PAPPA2: variants seen among roughly 807,000 people sequenced by gnomAD.
The protein encoded by PAPPA2 is pappalysin 2.
In PAPPA2, 86 loss-of-function variants were observed where a neutral mutation model predicts 176.4. The ratio of observed to expected loss-of-function variants is 0.49; its 90% CI spans 0.41 to 0.58. The LOEUF is 0.58. Ranked by LOEUF, PAPPA2 falls within the 20% of genes least tolerant of loss-of-function variation. The pLI is 0.00. For missense variants in PAPPA2, 2,073 were observed against 2,256.9 expected (o/e 0.92, Z 1.65); for synonymous variants, 809 against 852.2 (o/e 0.95, Z 0.88).
intron 3 of PAPPA2, among the ~76,000 whole-genome samples, chr1:176,641,424 C>T (rs1445648884): frequency 2.6e-5 from 4 of 151,218 alleles, no homozygotes; most frequent in African/African-American, 9.7e-5. Context: ...CCAGTTTTCC[C>T]AGCACCATTT....
rs71565479 is a variant in PAPPA2, at chr1:176,708,530, T to TAGAGAGAGAGAGAG, written c.3458-1437_3458-1424dup. On this transcript the variant is annotated intron_variant, in intron 10 of 22. Coordinates refer to ENST00000367662, the MANE Select transcript of PAPPA2 (RefSeq NM_020318.3). ...AACAAAACAAAACTATACGTACATGTAGAGAGAGAGAGAGAGAGAGAGAGA... is the reference window on the plus strand; with the variant it reads ...AACAAAACAAAACTATACGTACATGTAGAGAGAGAGAGAGAGAGAGAGAGAGAGAGAGAGAGAGA... 1.9e-3 allele frequency among the ~76,000 whole-genome samples: 276 copies of TAGAGAGAGAGAGAG among 145,584 alleles called. No homozygotes were observed. The Middle Eastern group carries it at 0.032, about 17-fold the overall frequency.
At chr1:176,806,159 G>C (rs909414634) in intron 21 of PAPPA2, among the ~76,000 whole-genome samples, 1 of 152,108 alleles carries the variant, frequency 6.6e-6, no homozygotes, top group Non-Finnish European at 1.5e-5. Flanking sequence ...CAATAACTCT[G>C]TCTGAGCCTG....
At chr1:176,642,512 A>G (rs1238807158) in intron 3 of PAPPA2, among the ~76,000 whole-genome samples, 2 of 151,802 alleles carry the variant, frequency 1.3e-5, no homozygotes, top group African/African-American at 4.8e-5. Flanking sequence ...GTGACAAGAG[A>G]TGAGATGACT....
chr1:176,616,767 G>A, intron 3 of PAPPA2: 1 of 1,111,940 alleles, frequency 9.0e-7, no homozygotes. Context: ...TTTCACAGGA[G>A]CTGGGTGGTT....
At chr1:176,528,254 G>T (rs770849117) in intron 1 of PAPPA2, among the ~76,000 whole-genome samples, 1 of 152,176 alleles carries the variant, frequency 6.6e-6, no homozygotes, top group Non-Finnish European at 1.5e-5. Context: ...TCATAGTCTG[G>T]TGACTATACT....
intron 1 of PAPPA2, among the ~76,000 whole-genome samples, chr1:176,549,227 G>GT (rs1484558818): frequency 6.6e-6 from 1 of 152,164 alleles, no homozygotes; most frequent in Non-Finnish European, 1.5e-5. Flanking sequence ...TCTTCACACA[G>GT]TACCCCTGTT....
At chr1:176,540,546 AT>A (rs1214506711) in intron 1 of PAPPA2, among the ~76,000 whole-genome samples, 1 of 152,208 alleles carries the variant, frequency 6.6e-6, no homozygotes, top group African/African-American at 2.4e-5. Flanking sequence ...CTAGTATGTC[AT>A]TACTGGTGTA....
At chr1:176,521,829 T>A (rs1046670957) in intron 1 of PAPPA2, among the ~76,000 whole-genome samples, 12 of 152,052 alleles carry the variant, frequency 7.9e-5, no homozygotes, top group Non-Finnish European at 1.5e-5. Flanking sequence ...CTAGAAAGAT[T>A]TGGGGGGACT....
chr1:176,504,884 A>G (rs1648168900), intron 1 of PAPPA2, among the ~76,000 whole-genome samples: 1 of 152,116 alleles, frequency 6.6e-6, no homozygotes, highest in Admixed American at 6.6e-5. Flanking sequence ...TGAAATGAAG[A>G]TAATACGGAA....
intron 14 of PAPPA2, among the ~76,000 whole-genome samples, chr1:176,756,975 G>C (rs1663457554): frequency 6.6e-6 from 1 of 152,166 alleles, no homozygotes. Flanking sequence ...TTCTGTCCTT[G>C]TGGTATTTTG....
chr1:176,820,597 A>G (rs1223541214), intron 21 of PAPPA2, among the ~76,000 whole-genome samples: 5 of 152,116 alleles, frequency 3.3e-5, no homozygotes, highest in Middle Eastern at 3.2e-3. Context: ...TGCCAGCCAC[A>G]TGTCATGCAT....
Position 176,485,943 on chromosome 1 carries a change from AC to A in PAPPA2, c.-917+22526del, listed in dbSNP as rs1416971019. Among the ~76,000 whole-genome samples the A allele has an allele frequency of 2.0e-5, 3 of 152,240 alleles. No homozygotes were observed. In the East Asian group the frequency reaches 5.8e-4, roughly 29 times the overall value. On this transcript the variant is annotated intron_variant, in intron 1 of 22. Coordinates refer to ENST00000367662, the MANE Select transcript of PAPPA2 (RefSeq NM_020318.3). The stretch of plus-strand genomic sequence containing the variant: ...CAATAAATTGTGGAGGAGTGACTAC[AC>A]AAAGGAAAGGGGATTTGGGCTTCTA...
At chr1:176,780,193 A>G (rs1356238471) in intron 17 of PAPPA2, among the ~76,000 whole-genome samples, 1 of 152,196 alleles carries the variant, frequency 6.6e-6, no homozygotes, top group Admixed American at 6.5e-5. Context: ...GTGTGTGTAT[A>G]TACCTGTGAG....
intron 9 of PAPPA2, 27 bp from the exon 10 acceptor site, chr1:176,706,332 T>C (rs769928358): frequency 2.5e-6 from 4 of 1,586,658 alleles, no homozygotes; most frequent in Non-Finnish European, 2.6e-6. Flanking sequence ...GTATGTGTTA[T>C]ATATGCATAT....
At chr1:176,759,082 A>G (rs1171358179) in intron 14 of PAPPA2, among the ~76,000 whole-genome samples, 2 of 152,224 alleles carry the variant, frequency 1.3e-5, no homozygotes, top group Non-Finnish European at 2.9e-5. Context: ...TGTTTCTTGA[A>G]AAGTGTAGTA....
At chr1:176,639,505 G>A (rs1656943097) in intron 3 of PAPPA2, among the ~76,000 whole-genome samples, 1 of 152,092 alleles carries the variant, frequency 6.6e-6, no homozygotes, top group South Asian at 2.1e-4. Flanking sequence ...CATTCTGCTT[G>A]TAAATTTTCA....
intron 1 of PAPPA2, among the ~76,000 whole-genome samples, chr1:176,507,864 A>G (rs1421397484): frequency 6.6e-6 from 1 of 152,146 alleles, no homozygotes; most frequent in East Asian, 1.9e-4. Flanking sequence ...CAATATACCC[A>G]TGTAACAAAC....
intron 20 of PAPPA2, among the ~76,000 whole-genome samples, chr1:176,799,215 G>T (rs1665566032): frequency 6.6e-6 from 1 of 151,922 alleles, no homozygotes; most frequent in African/African-American, 2.4e-5. Flanking sequence ...ACCTGCCATG[G>T]GACTTTCTTT....
intron 17 of PAPPA2, among the ~76,000 whole-genome samples, chr1:176,784,387 A>G (rs1000707544): frequency 1.3e-5 from 2 of 152,184 alleles, no homozygotes; most frequent in Non-Finnish European, 2.9e-5. Flanking sequence ...CAACATCACC[A>G]AACTAGAAGC....
Sources: allele counts gnomAD v4.1 joint callset (sites outside exome capture counted in the v4.1 genomes callset), GRCh38; gene constraint gnomAD v4.1.1; transcripts MANE v1.5; gene names NCBI Gene and HGNC (gene_info 2026-07-23, HGNC 2026-07-21).